The following POU2F1 variants were observed in gnomAD, a reference collection of about 807,000 sequenced individuals.
POU2F1 encodes POU domain, class 2, transcription factor 1.
Under a neutral mutation model 84.9 loss-of-function variants are expected in POU2F1, and 16 were observed. That is an observed-to-expected ratio of 0.19 (90% CI 0.13 to 0.29). The LOEUF (loss-of-function observed/expected upper bound fraction) is 0.29, where lower values mean the gene tolerates loss of function less well. Ranked by LOEUF, POU2F1 falls within the 10% of genes least tolerant of loss-of-function variation. POU2F1 has a pLI of 1.00. For synonymous variants in POU2F1, 368 were observed against 368.3 expected (o/e 1.00, Z 0.01); for missense variants, 738 against 942.6 (o/e 0.78, Z 2.84).
intron 1 of POU2F1, among the ~76,000 whole-genome samples, chr1:167,325,301 C>A (rs1656623613): frequency 6.6e-6 from 1 of 151,970 alleles, no homozygotes. Context: ...TGCAGACACC[C>A]CCCATGATAT....
chr1:167,371,849 G>A, intron 4 of POU2F1, 68 bp from the exon 5 acceptor site: 1 of 1,580,372 alleles, frequency 6.3e-7, no homozygotes, highest in Non-Finnish European at 8.7e-7. Flanking sequence ...CCTAAAAGAT[G>A]GGGTTTTAAG....
intron 1 of POU2F1, among the ~76,000 whole-genome samples, chr1:167,221,291 C>T (rs1013158536): frequency 8.6e-5 from 13 of 150,978 alleles, no homozygotes; most frequent in Non-Finnish European, 1.6e-4. Flanking sequence ...TCCTCGCCGC[C>T]GTGCCCGAAC....
chr1:167,292,914 G>A (rs1029931360), intron 1 of POU2F1, among the ~76,000 whole-genome samples: 23 of 151,964 alleles, frequency 1.5e-4, no homozygotes, highest in African/African-American at 4.8e-4. Flanking sequence ...CCATACGACC[G>A]TCTCAATAGA....
chr1:167,341,495 G>A (rs920162642), intron 2 of POU2F1, among the ~76,000 whole-genome samples: 1 of 152,090 alleles, frequency 6.6e-6, no homozygotes, highest in Non-Finnish European at 1.5e-5. Flanking sequence ...GAATTGAAAG[G>A]GGAGAGTTCC....
chr1:167,414,779 G>T (rs531688863), intron 15 of POU2F1: 1 of 932,460 alleles, frequency 1.1e-6, no homozygotes, highest in South Asian at 5.0e-5. Context: ...TTTAGCCTCA[G>T]GAAGTGAGAA....
At chr1:167,277,649 C>T (rs554444683) in intron 1 of POU2F1, among the ~76,000 whole-genome samples, 1 of 152,126 alleles carries the variant, frequency 6.6e-6, no homozygotes, top group Non-Finnish European at 1.5e-5. Flanking sequence ...TGTGAAAGCT[C>T]AGTCCTAGGC....
chr1:167,334,756 C>T (rs939800720), intron 2 of POU2F1, among the ~76,000 whole-genome samples: 2 of 152,142 alleles, frequency 1.3e-5, no homozygotes, highest in African/African-American at 4.8e-5. Context: ...TGTATGCTTA[C>T]AAATTGATTT....
chr1:167,311,675 A>G (rs1655481051), intron 1 of POU2F1, among the ~76,000 whole-genome samples: 1 of 152,190 alleles, frequency 6.6e-6, no homozygotes, highest in Non-Finnish European at 1.5e-5. Context: ...TTCAAATAGA[A>G]AAAGCTCATA....
intron 2 of POU2F1, among the ~76,000 whole-genome samples, chr1:167,348,882 A>G (rs978794105): frequency 2.6e-5 from 4 of 152,146 alleles, no homozygotes; most frequent in African/African-American, 9.7e-5. Context: ...GCTTGAGGAC[A>G]GTGACAGTAC....
chr1:167,244,959 C>T (rs1352185146), intron 1 of POU2F1, among the ~76,000 whole-genome samples: 1 of 152,122 alleles, frequency 6.6e-6, no homozygotes, highest in Non-Finnish European at 1.5e-5. Context: ...TACTACATAG[C>T]TGTCTTCTAA....
intron 2 of POU2F1, among the ~76,000 whole-genome samples, chr1:167,365,149 A>G (rs1465604245): frequency 2.6e-5 from 4 of 152,120 alleles, no homozygotes. Context: ...GTGTCTTTGA[A>G]CTCTGTTCCT....
intron 1 of POU2F1, among the ~76,000 whole-genome samples, chr1:167,255,688 G>A (rs962510104): frequency 2.0e-5 from 3 of 152,104 alleles, no homozygotes; most frequent in South Asian, 2.1e-4. Context: ...TAAAGGAGTC[G>A]CAGTTGGAGA....
At chr1:167,325,919 G>A (rs992545283) in intron 1 of POU2F1, among the ~76,000 whole-genome samples, 5 of 151,046 alleles carry the variant, frequency 3.3e-5, no homozygotes, top group South Asian at 2.1e-4. Context: ...AGTGTTAACC[G>A]TGAATTCTGG....
At position 167,256,939 on chromosome 1, in the gene POU2F1, C is replaced by T. The variant is rs148984259; in HGVS notation, c.61+35981C>T. Among the ~76,000 whole-genome samples, 20 of 152,188 alleles carry T rather than the reference C, an allele frequency of 1.3e-4. No homozygotes were observed. In the East Asian group the frequency reaches 3.7e-3, roughly 28 times the overall value. ...ACTTATAAAGCAGTAAAAACCTGTC[C>T]GAATGTGACTGTACCTTTTCACTGT... is the stretch of plus-strand genomic sequence containing the variant. On this transcript the variant is annotated intron_variant, in intron 1 of 15. Transcript: ENST00000367866.
intron 8 of POU2F1, among the ~76,000 whole-genome samples, chr1:167,385,031 C>A (rs1571415070): frequency 6.6e-6 from 1 of 152,010 alleles, no homozygotes; most frequent in South Asian, 2.1e-4. Flanking sequence ...ATATAAAAAT[C>A]ATTTACATTT....
At chr1:167,354,794 T>C (rs182198828) in intron 2 of POU2F1, among the ~76,000 whole-genome samples, 1 of 152,298 alleles carries the variant, frequency 6.6e-6, no homozygotes, top group African/African-American at 2.4e-5. Context: ...AGATTGAACA[T>C]CTTTTCCTGT....
intron 1 of POU2F1, among the ~76,000 whole-genome samples, chr1:167,265,119 C>G (rs925872210): frequency 1.3e-5 from 2 of 152,136 alleles, no homozygotes; most frequent in African/African-American, 4.8e-5. Context: ...CTGTACTGAT[C>G]TATTCTCAGG....
chr1:167,285,342 C>T (rs1045538584), intron 1 of POU2F1, among the ~76,000 whole-genome samples: 2 of 152,176 alleles, frequency 1.3e-5, no homozygotes, highest in Non-Finnish European at 2.9e-5. Context: ...CGGTGGCTCA[C>T]GCCTGTAATC....
Position 167,418,486 on chromosome 1 carries a change from G to C in POU2F1, c.*2676G>C, listed in dbSNP as rs1023385728. On this transcript the variant is annotated 3_prime_UTR_variant, in exon 16 of 16. Transcript: ENST00000367866. ...CCATAATAATGAGTCCCTCCCTTGG[G>C]AGTGGTGAAACTTAGAAGGAAGGAT... The C allele has an allele frequency of 6.6e-6, 1 of 152,162 alleles. No individual in the cohort carries two copies. The highest frequency in any genetic ancestry group is 2.4e-5 in the African/African-American group (1 of 41,436). 9.4% of individuals were successfully genotyped at this position (152,162 alleles called of 1,614,324 possible).
Sources: allele counts gnomAD v4.1 joint callset (sites outside exome capture counted in the v4.1 genomes callset), GRCh38; gene constraint gnomAD v4.1.1; transcripts MANE v1.5; gene names NCBI Gene and HGNC (gene_info 2026-07-23, HGNC 2026-07-21).